The following ARHGAP24 variants were observed in gnomAD, a reference collection of about 807,000 sequenced individuals.
ARHGAP24 encodes the protein Rho GTPase activating protein 24.
A neutral mutation model predicts 76.4 loss-of-function variants in ARHGAP24; 50 were observed. That is an observed-to-expected ratio of 0.65 (90% CI 0.52 to 0.83). The LOEUF (loss-of-function observed/expected upper bound fraction) is 0.83. Among genes scored for constraint, ARHGAP24 ranks in the 40% least tolerant of loss-of-function variants. The pLI, the probability that ARHGAP24 is intolerant of heterozygous loss-of-function variation, is 0.00. For missense variants in ARHGAP24, 930 were observed against 914.2 expected (o/e 1.02, Z -0.22); for synonymous variants, 345 against 323.3 (o/e 1.07, Z -0.72).
intron 2 of ARHGAP24, among the ~76,000 whole-genome samples, chr4:85,606,344 T>C (rs1478218260): frequency 6.6e-6 from 1 of 151,908 alleles, no homozygotes; most frequent in Non-Finnish European, 1.5e-5. Context: ...AAACCCTGTC[T>C]CTACTAAAAT....
chr4:85,989,738 A>G (rs1280512376), intron 8 of ARHGAP24, among the ~76,000 whole-genome samples: 5 of 151,772 alleles, frequency 3.3e-5, no homozygotes, highest in African/African-American at 9.7e-5. Context: ...AAATCAATCA[A>G]TGTAATTCAC....
At chr4:85,835,588 T>C (rs1730235466) in intron 3 of ARHGAP24, among the ~76,000 whole-genome samples, 1 of 151,364 alleles carries the variant, frequency 6.6e-6, no homozygotes, top group South Asian at 2.1e-4. Context: ...TTTGTTTCAT[T>C]GTAGAAAAAT....
At chr4:85,929,068 T>C (rs910187416) in intron 4 of ARHGAP24, among the ~76,000 whole-genome samples, 2 of 152,204 alleles carry the variant, frequency 1.3e-5, no homozygotes, top group African/African-American at 2.4e-5. Context: ...AAAAAAATGC[T>C]TTCACTTCCT....
intron 2 of ARHGAP24, among the ~76,000 whole-genome samples, chr4:85,699,120 T>A (rs1189874654): frequency 6.6e-6 from 1 of 152,222 alleles, no homozygotes; most frequent in East Asian, 1.9e-4. Context: ...ATATTTTTGG[T>A]TGCATCCTTG....
intron 2 of ARHGAP24, among the ~76,000 whole-genome samples, chr4:85,639,499 G>T (rs576764907): frequency 1.3e-5 from 2 of 152,212 alleles, no homozygotes; most frequent in African/African-American, 4.8e-5. Context: ...AGCCTAAATA[G>T]ATAACAAATT....
chr4:85,625,807 C>T (rs530387578), intron 2 of ARHGAP24, among the ~76,000 whole-genome samples: 1 of 152,206 alleles, frequency 6.6e-6, no homozygotes, highest in African/African-American at 2.4e-5. Context: ...ATTAATTGAT[C>T]CCTTTACCAT....
intron 3 of ARHGAP24, among the ~76,000 whole-genome samples, chr4:85,886,614 A>G (rs1156682573): frequency 6.6e-6 from 1 of 152,122 alleles, no homozygotes; most frequent in African/African-American, 2.4e-5. Flanking sequence ...GCACTTTAAA[A>G]CCGATACATA....
At chr4:85,532,505 G>C (rs1236073704) in intron 1 of ARHGAP24, among the ~76,000 whole-genome samples, 5 of 152,076 alleles carry the variant, frequency 3.3e-5, no homozygotes, top group Admixed American at 6.6e-5. Flanking sequence ...TACAATTGGA[G>C]ATTAAAATTG....
At chr4:85,585,136 A>G (rs1037575735) in intron 2 of ARHGAP24, among the ~76,000 whole-genome samples, 5 of 152,210 alleles carry the variant, frequency 3.3e-5, no homozygotes, top group Non-Finnish European at 7.3e-5. Flanking sequence ...TTCACATTAC[A>G]TCACTCTGAT....
At chr4:85,921,864 C>G (rs1056843336) in intron 3 of ARHGAP24, among the ~76,000 whole-genome samples, 1 of 152,090 alleles carries the variant, frequency 6.6e-6, no homozygotes, top group South Asian at 2.1e-4. Context: ...GATAGTTGAA[C>G]TAACGCCTGA....
chr4:85,753,313 C>A (rs1406702713), intron 3 of ARHGAP24, among the ~76,000 whole-genome samples: 1 of 151,924 alleles, frequency 6.6e-6, no homozygotes, highest in Non-Finnish European at 1.5e-5. Context: ...AGACTTGGTA[C>A]CATTAGAAAT....
intron 3 of ARHGAP24, among the ~76,000 whole-genome samples, chr4:85,743,851 C>G (rs975711238): frequency 6.6e-6 from 1 of 152,110 alleles, no homozygotes; most frequent in Admixed American, 6.5e-5. Context: ...ACAAATGGCA[C>G]TACTTTATCA....
intron 3 of ARHGAP24, among the ~76,000 whole-genome samples, chr4:85,875,601 T>C (rs1467687949): frequency 1.7e-5 from 2 of 116,964 alleles, no homozygotes; most frequent in Non-Finnish European, 3.3e-5. Flanking sequence ...ATATTATATT[T>C]TTATATTATA....
intron 2 of ARHGAP24, among the ~76,000 whole-genome samples, chr4:85,683,410 T>C (rs1723304895): frequency 6.6e-6 from 1 of 152,176 alleles, no homozygotes; most frequent in Admixed American, 6.5e-5. Context: ...ACTTTATACA[T>C]GGATCTATAA....
chr4:85,935,909 ACTGGTTACGATAGACCCTGAG>A (rs1201900793), intron 4 of ARHGAP24, among the ~76,000 whole-genome samples: 1 of 152,070 alleles, frequency 6.6e-6, no homozygotes, highest in Non-Finnish European at 1.5e-5. Flanking sequence ...ATCAACATTC[ACTGGTTACGATAGACCCTGAG>A]CTCCTTGGAG....
intron 3 of ARHGAP24, among the ~76,000 whole-genome samples, chr4:85,873,499 C>A (rs1333597485): frequency 6.6e-6 from 1 of 152,098 alleles, no homozygotes; most frequent in Non-Finnish European, 1.5e-5. Flanking sequence ...ATTTACAAGG[C>A]TGAATAAGAC....
intron 3 of ARHGAP24, among the ~76,000 whole-genome samples, chr4:85,786,535 G>A (rs180686222): frequency 1.1e-4 from 16 of 152,278 alleles, no homozygotes; most frequent in African/African-American, 3.9e-4. Context: ...AGCTCCCAAT[G>A]CTCCACAGTA....
chr4:85,485,343 A>G (rs1202207918), intron 1 of ARHGAP24, among the ~76,000 whole-genome samples: 2 of 62,478 alleles, frequency 3.2e-5, no homozygotes, highest in Admixed American at 2.5e-4. Context: ...GCAAGACTCC[A>G]TCTCAAAAAA....
At chr4:85,607,382 G>A (rs1026753693) in intron 2 of ARHGAP24, among the ~76,000 whole-genome samples, 4 of 151,980 alleles carry the variant, frequency 2.6e-5, no homozygotes, top group African/African-American at 9.7e-5. Context: ...GAGGAACGGA[G>A]GGAGGAAGGG....
Sources: gnomAD v4.1 joint callset for allele counts (sites outside exome capture counted in the v4.1 genomes callset) on GRCh38, gnomAD v4.1.1 for gene constraint, MANE v1.5 for transcripts, NCBI Gene and HGNC (gene_info 2026-07-23, HGNC 2026-07-21) for gene names.